TFDP2: variants seen among roughly 807,000 people sequenced by gnomAD.
TFDP2 encodes the protein transcription factor Dp-2.
In TFDP2, 17 loss-of-function variants were observed where a neutral mutation model predicts 59.3. The observed-to-expected ratio is 0.29, with a 90% CI of 0.20 to 0.43. The LOEUF (loss-of-function observed/expected upper bound fraction) is 0.43. Among genes scored for constraint, TFDP2 ranks in the 20% least tolerant of loss-of-function variants. TFDP2 has a pLI of 1.00. For synonymous variants in TFDP2, 180 were observed against 194.7 expected, an observed-to-expected ratio of 0.92 and a Z score of 0.63; for missense variants, 391 against 528.8, an observed-to-expected ratio of 0.74 and a Z score of 2.56.
chr3:142,090,976 T>A (rs1327147058), intron 3 of TFDP2: 3 of 152,288 alleles, frequency 2.0e-5, no homozygotes, highest in African/African-American at 7.2e-5. Flanking sequence ...ATGTCTTCCA[T>A]GTCTACCAAG....
At chr3:142,059,418 C>T (rs975128180) in intron 3 of TFDP2, among the ~76,000 whole-genome samples, 33 of 152,180 alleles carry the variant, frequency 2.2e-4, no homozygotes, top group Admixed American at 1.3e-3. Context: ...AAATAATATA[C>T]GACCAATTTC....
intron 3 of TFDP2, among the ~76,000 whole-genome samples, chr3:142,051,050 T>C (rs1947601042): frequency 6.6e-6 from 1 of 152,192 alleles, no homozygotes; most frequent in Admixed American, 6.5e-5. Context: ...AATCGAAAGA[T>C]TACACTATCT....
chr3:141,976,966 C>T (rs1940733181), intron 7 of TFDP2, among the ~76,000 whole-genome samples: 1 of 151,340 alleles, frequency 6.6e-6, no homozygotes, highest in Admixed American at 6.6e-5. Flanking sequence ...TATAAGAACT[C>T]TTTCTAAGGC....
intron 7 of TFDP2, among the ~76,000 whole-genome samples, chr3:141,978,090 ATCC>A (rs1372606428): frequency 6.6e-6 from 1 of 151,634 alleles, no homozygotes; most frequent in Non-Finnish European, 1.5e-5. Flanking sequence ...CACGCCTGTA[ATCC>A]CAGCACTTTG....
intron 1 of TFDP2, among the ~76,000 whole-genome samples, chr3:142,111,770 T>C (rs1250862615): frequency 6.6e-6 from 1 of 151,312 alleles, no homozygotes; most frequent in Non-Finnish European, 1.5e-5. Flanking sequence ...TTTTTCAAAA[T>C]TTTTATCAGA....
chr3:142,036,217 T>C (rs927116708), intron 3 of TFDP2, among the ~76,000 whole-genome samples: 11 of 152,214 alleles, frequency 7.2e-5, no homozygotes, highest in Admixed American at 7.2e-4. Context: ...ATAACTGTTT[T>C]AGGATAACTG....
At chr3:141,988,120 A>AT (rs1192707337) in intron 6 of TFDP2, among the ~76,000 whole-genome samples, 1 of 151,612 alleles carries the variant, frequency 6.6e-6, no homozygotes, top group East Asian at 1.9e-4. Context: ...TAAGTTTTGT[A>AT]TTTTTTCTAG....
intron 3 of TFDP2, among the ~76,000 whole-genome samples, chr3:142,014,167 AG>A (rs890556507): frequency 6.6e-6 from 1 of 152,204 alleles, no homozygotes; most frequent in Non-Finnish European, 1.5e-5. Context: ...GTTTTGAGAC[AG>A]GATCTTGCTC....
intron 6 of TFDP2, among the ~76,000 whole-genome samples, chr3:141,992,006 C>T (rs1289868017): frequency 1.4e-5 from 2 of 139,952 alleles, no homozygotes; most frequent in African/African-American, 5.4e-5. Flanking sequence ...CAAGCCATTG[C>T]ACTCCAGCTT....
chr3:142,120,749 ACTG>A (rs2062019380), intron 1 of TFDP2, among the ~76,000 whole-genome samples: 1 of 152,174 alleles, frequency 6.6e-6, no homozygotes, highest in South Asian at 2.1e-4. Flanking sequence ...TTTATAGCTA[ACTG>A]TAGCAGTAGT....
intron 3 of TFDP2, among the ~76,000 whole-genome samples, chr3:142,040,062 T>C (rs1331926594): frequency 6.6e-5 from 10 of 152,146 alleles, no homozygotes; most frequent in Admixed American, 6.6e-4. Context: ...ACTGTTCTTG[T>C]ATACATGATG....
At chr3:142,122,806 T>C (rs548284653) in intron 1 of TFDP2, among the ~76,000 whole-genome samples, 1 of 152,294 alleles carries the variant, frequency 6.6e-6, no homozygotes, top group East Asian at 1.9e-4. Context: ...ATGGGTATTC[T>C]AATATGAAGA....
intron 9 of TFDP2, among the ~76,000 whole-genome samples, chr3:141,969,128 A>C (rs549522594): frequency 1.3e-5 from 1 of 77,166 alleles, no homozygotes; most frequent in Non-Finnish European, 2.2e-5. Flanking sequence ...ATATATATAT[A>C]ACATATATAT....
intron 3 of TFDP2, among the ~76,000 whole-genome samples, chr3:142,012,699 A>G (rs902828051): frequency 6.6e-6 from 1 of 152,196 alleles, no homozygotes; most frequent in African/African-American, 2.4e-5. Context: ...ATATATTTTT[A>G]TATATTCATA....
intron 3 of TFDP2, among the ~76,000 whole-genome samples, chr3:142,024,818 G>C (rs978837239): frequency 2.6e-5 from 4 of 152,042 alleles, no homozygotes; most frequent in African/African-American, 9.7e-5. Context: ...TCAGGAGTTC[G>C]AGACCAGCCT....
At chr3:142,003,648 A>G (rs2108257788) in intron 4 of TFDP2, among the ~76,000 whole-genome samples, 1 of 152,340 alleles carries the variant, frequency 6.6e-6, no homozygotes, top group Non-Finnish European at 1.5e-5. Flanking sequence ...TCAGAACTGA[A>G]AAAAGGACCT....
intron 5 of TFDP2, chr3:141,994,700 G>A (rs926404782): frequency 5.9e-6 from 1 of 170,524 alleles, no homozygotes; most frequent in African/African-American, 2.4e-5. Flanking sequence ...TTTTCTGTGT[G>A]AGTTAAAAAT....
Position 141,959,734 on chromosome 3 carries a change from G to A in TFDP2, c.991C>T (p.Leu331=), listed in dbSNP as rs1937126044. 2 of 1,614,046 alleles carry A rather than the reference G, an allele frequency of 1.2e-6. No individual in the cohort carries two copies. The highest frequency in any genetic ancestry group is 1.7e-6 in the Non-Finnish European group (2 of 1,180,038). ...GATTTCGCAAGTTTCAGATCCTCCAGAGAGCATTTGCCTGACTCCAGGCCA... is the reference window on the plus strand; with the variant it reads ...GATTTCGCAAGTTTCAGATCCTCCAAAGAGCATTTGCCTGACTCCAGGCCA... ...SFGLESGKCS[L]EDLKLAKSLV... The change falls in exon 11 of 13, where the codon CTG becomes TTG. Residue 331 remains leucine, a synonymous_variant. Coordinates refer to ENST00000489671, the MANE Select transcript of TFDP2 (RefSeq NM_001178139.2).
chr3:141,993,741 A>T (rs536028356), intron 5 of TFDP2, among the ~76,000 whole-genome samples, 156 bp from the exon 6 acceptor site: 2 of 152,384 alleles, frequency 1.3e-5, no homozygotes, highest in Admixed American at 6.5e-5. Context: ...ATAAATCTTA[A>T]TTTTATCATG....
Sources: allele counts gnomAD v4.1 joint callset (sites outside exome capture counted in the v4.1 genomes callset), GRCh38; gene constraint gnomAD v4.1.1; transcripts MANE v1.5; gene names NCBI Gene and HGNC (gene_info 2026-07-23, HGNC 2026-07-21).